The following LTBP1 variants were observed in gnomAD, a reference collection of about 807,000 sequenced individuals.
LTBP1 encodes the protein latent transforming growth factor beta binding protein 1.
A neutral mutation model predicts 207.6 loss-of-function variants in LTBP1; 129 were observed. That is an observed-to-expected ratio of 0.62 (90% CI 0.54 to 0.72). The LOEUF is 0.72. Ranked by LOEUF, LTBP1 falls within the 30% of genes least tolerant of loss-of-function variation. LTBP1 has a pLI of 0.00. For synonymous variants in LTBP1, 963 were observed against 833.7 expected, an observed-to-expected ratio of 1.16 and a Z score of -2.67; for missense variants, 2,281 against 2,217.2, an observed-to-expected ratio of 1.03 and a Z score of -0.58.
At chr2:33,148,637 C>T (rs1159533519) in intron 5 of LTBP1, among the ~76,000 whole-genome samples, 2 of 152,202 alleles carry the variant, frequency 1.3e-5, no homozygotes, top group Non-Finnish European at 2.9e-5. Context: ...TCCCCATCTC[C>T]AATTCTCTTA....
chr2:33,042,025 T>C (rs1009153773), intron 3 of LTBP1, among the ~76,000 whole-genome samples: 1 of 152,234 alleles, frequency 6.6e-6, no homozygotes, highest in Non-Finnish European at 1.5e-5. Flanking sequence ...GTCAGTTTTT[T>C]CTTTGTGCCA....
At chr2:32,947,903 CCCCGCGGTGGCCAG>C (rs1676481205) in intron 1 of LTBP1, 85 bp downstream of exon 1, 1 of 1,182,470 alleles carries the variant, frequency 8.5e-7, no homozygotes, top group South Asian at 3.9e-5. Flanking sequence ...CCACTCGGAG[CCCCGCGGTGGCCAG>C]GGCGGTCGCG....
intron 5 of LTBP1, among the ~76,000 whole-genome samples, chr2:33,152,144 G>A (rs1282425827): frequency 6.6e-6 from 1 of 151,942 alleles, no homozygotes; most frequent in Non-Finnish European, 1.5e-5. Flanking sequence ...TCACAGAGTG[G>A]GAGAAAATCT....
At chr2:33,294,110 A>T (rs957213048) in intron 20 of LTBP1, among the ~76,000 whole-genome samples, 15 of 143,342 alleles carry the variant, frequency 1.0e-4, no homozygotes, top group Non-Finnish European at 1.8e-4. Context: ...AGTTCAAGTG[A>T]TTCTCCTGCC....
chr2:33,289,934 T>C (rs938221562), intron 19 of LTBP1, among the ~76,000 whole-genome samples: 2 of 152,184 alleles, frequency 1.3e-5, no homozygotes, highest in African/African-American at 2.4e-5. Flanking sequence ...ACCCATTTTG[T>C]GTTGCTGTAA....
intron 31 of LTBP1, among the ~76,000 whole-genome samples, chr2:33,370,550 A>C (rs1475059477): frequency 1.3e-5 from 2 of 152,238 alleles, no homozygotes; most frequent in Non-Finnish European, 2.9e-5. Context: ...AATAGCATCT[A>C]ACTTTATTTT....
intron 3 of LTBP1, among the ~76,000 whole-genome samples, chr2:33,075,800 A>C (rs1355121191): frequency 6.6e-6 from 1 of 152,204 alleles, no homozygotes; most frequent in East Asian, 1.9e-4. Context: ...TATTCTGATA[A>C]AAGTCACTTC....
chr2:33,391,017 CTCTTTT>C (rs2095310347), intron 32 of LTBP1, among the ~76,000 whole-genome samples: 1 of 151,032 alleles, frequency 6.6e-6, no homozygotes, highest in African/African-American at 2.4e-5. Context: ...TCTTCTCTTT[CTCTTTT>C]CCCTTTCTCT....
intron 3 of LTBP1, among the ~76,000 whole-genome samples, chr2:33,052,782 G>A (rs72791797): frequency 0.097 from 14,798 of 151,888 alleles, 960 homozygotes; most frequent in Non-Finnish European, 0.14. Context: ...TATTCTTCAG[G>A]TTATATTATT....
intron 25 of LTBP1, among the ~76,000 whole-genome samples, chr2:33,345,474 A>G (rs1423290893): frequency 6.6e-6 from 1 of 152,274 alleles, no homozygotes; most frequent in African/African-American, 2.4e-5. Flanking sequence ...TCAATAATAC[A>G]TGTTGGAAAG....
chr2:32,964,200 G>A (rs1438008808), intron 2 of LTBP1, among the ~76,000 whole-genome samples: 1 of 152,140 alleles, frequency 6.6e-6, no homozygotes, highest in Non-Finnish European at 1.5e-5. Flanking sequence ...TTTGGAAACA[G>A]CCCAGTTGAG....
chr2:33,221,698 A>C (rs541174915), intron 8 of LTBP1, among the ~76,000 whole-genome samples: 71 of 152,320 alleles, frequency 4.7e-4, no homozygotes, highest in African/African-American at 1.7e-3. Flanking sequence ...CATCACCCAG[A>C]ATGTTCCAGG....
chr2:33,060,330 C>T (rs1341542155), intron 3 of LTBP1, among the ~76,000 whole-genome samples: 1 of 152,082 alleles, frequency 6.6e-6, no homozygotes, highest in Non-Finnish European at 1.5e-5. Context: ...TTAAAAAACT[C>T]ACTGGAGTCC....
At chr2:33,244,507 C>T (rs906169215) in intron 10 of LTBP1, among the ~76,000 whole-genome samples, 2 of 152,018 alleles carry the variant, frequency 1.3e-5, no homozygotes, top group African/African-American at 2.4e-5. Flanking sequence ...TAAATTAATC[C>T]ATGTAATCAC....
chr2:33,266,890 C>CG (rs990950010), intron 15 of LTBP1, among the ~76,000 whole-genome samples: 1 of 152,134 alleles, frequency 6.6e-6, no homozygotes, highest in African/African-American at 2.4e-5. Context: ...ATGACACAAA[C>CG]GGGGCTGAAA....
intron 23 of LTBP1, among the ~76,000 whole-genome samples, 173 bp from the exon 24 acceptor site, chr2:33,314,971 T>G (rs1246336810): frequency 6.6e-6 from 1 of 152,210 alleles, no homozygotes; most frequent in Non-Finnish European, 1.5e-5. Context: ...CCTAAATAGT[T>G]TCTCTCTCAT....
intron 3 of LTBP1, among the ~76,000 whole-genome samples, chr2:33,022,101 A>G (rs1203244548): frequency 6.6e-6 from 1 of 152,134 alleles, no homozygotes; most frequent in Non-Finnish European, 1.5e-5. Context: ...CCCTCTGCAG[A>G]GACAGCTTCC....
At chr2:33,293,859 T>A (rs191461575) in intron 20 of LTBP1, among the ~76,000 whole-genome samples, 1 of 149,896 alleles carries the variant, frequency 6.7e-6, no homozygotes, top group African/African-American at 2.5e-5. Context: ...CATTCATAAC[T>A]TTTTTTCAAA....
At chr2:33,210,322 G>A (rs2090213381) in intron 7 of LTBP1, among the ~76,000 whole-genome samples, 1 of 152,068 alleles carries the variant, frequency 6.6e-6, no homozygotes, top group Non-Finnish European at 1.5e-5. Flanking sequence ...TTGTCCTCTT[G>A]TTATTCCTGA....
Sources: gnomAD v4.1 joint callset for allele counts (sites outside exome capture counted in the v4.1 genomes callset) on GRCh38, gnomAD v4.1.1 for gene constraint, MANE v1.5 for transcripts, NCBI Gene and HGNC (gene_info 2026-07-23, HGNC 2026-07-21) for gene names.